Variants in ADD2 observed in about 807,000 individuals in gnomAD.
ADD2 encodes beta-adducin.
ADD2 carries 23 observed loss-of-function variants against 83.0 expected under a neutral mutation model. That is an observed-to-expected ratio of 0.28 (90% CI 0.20 to 0.39). The LOEUF (loss-of-function observed/expected upper bound fraction) is 0.39. Ranked by LOEUF, ADD2 falls within the 10% of genes least tolerant of loss-of-function variation. The probability of loss-of-function intolerance (pLI) is 1.00; values close to 1 mark genes in which losing one functional copy is unlikely to be tolerated. For missense variants in ADD2, 758 were observed against 944.9 expected (o/e 0.80, Z 2.59); for synonymous variants, 375 against 375.4 (o/e 1.00, Z 0.01).
intron 1 of ADD2, among the ~76,000 whole-genome samples, chr2:70,735,257 A>G (rs1436433702): frequency 6.6e-6 from 1 of 152,138 alleles, no homozygotes; most frequent in African/African-American, 2.4e-5. Context: ...AAACCCTGTG[A>G]ACACACAGGA....
chr2:70,741,224 TAGAA>T (rs1428247338), intron 1 of ADD2: 3 of 152,212 alleles, frequency 2.0e-5, no homozygotes. Flanking sequence ...CAGTAGCTTA[TAGAA>T]AGAAACAGCC....
At chr2:70,704,608 T>C (rs1469877043) in intron 3 of ADD2, 149 bp from the exon 4 acceptor site, 9 of 818,208 alleles carry the variant, frequency 1.1e-5, no homozygotes, top group Non-Finnish European at 1.7e-5. Flanking sequence ...ACTGAGCAGT[T>C]CCACTAGGAC....
rs551660624 is a variant in ADD2 at position 70,729,940 on chromosome 2, ACTTT to A, written c.-153-16760_-153-16757del. Among the ~76,000 whole-genome samples the A allele has an allele frequency of 1.9e-3, 285 of 152,288 alleles. 3 individuals carry two copies. Among genetic ancestry groups the A allele is most frequent in the South Asian group, 7.3e-3 (35 of 4,820 alleles). On this transcript the variant is annotated intron_variant, in intron 1 of 15. Transcript: ENST00000264436. ...ATGACCATTTCTAAAAGCATTTAAA[ACTTT>A]CTTTTAATATATGTAGCAAAATTCA...
At chr2:70,707,032 G>T (rs1270919783) in intron 2 of ADD2, among the ~76,000 whole-genome samples, 1 of 152,054 alleles carries the variant, frequency 6.6e-6, no homozygotes, top group African/African-American at 2.4e-5. Flanking sequence ...ATTCACAAAA[G>T]AATACTACTA....
At chr2:70,670,193 G>A (rs1363621454) in intron 15 of ADD2, among the ~76,000 whole-genome samples, 1 of 152,218 alleles carries the variant, frequency 6.6e-6, no homozygotes, top group Non-Finnish European at 1.5e-5. Flanking sequence ...ATCAAGTACT[G>A]TATTAGCTCT....
chr2:70,751,061 GA>G (rs1674481375), intron 1 of ADD2, among the ~76,000 whole-genome samples: 1 of 152,142 alleles, frequency 6.6e-6, no homozygotes, highest in African/African-American at 2.4e-5. Context: ...ATGCCCTAAA[GA>G]AAAACTTTTC....
chr2:70,685,892 T>C (rs782368418), intron 9 of ADD2, among the ~76,000 whole-genome samples: 1 of 152,234 alleles, frequency 6.6e-6, no homozygotes, highest in Non-Finnish European at 1.5e-5. Flanking sequence ...TCTTCCCATC[T>C]GCCTGTCGGC....
chr2:70,703,222 G>GAGAGAA (rs1406008726), intron 4 of ADD2, among the ~76,000 whole-genome samples: 1 of 151,988 alleles, frequency 6.6e-6, no homozygotes, highest in East Asian at 1.9e-4. Flanking sequence ...GAAAGAGAAA[G>GAGAGAA]AGAGAAAGAG....
rs558066490 is a variant in ADD2 at position 70,768,014 on chromosome 2, A to C, written c.-282T>G. ...ATCTGCAGGGCAGCGTTTTCTGCCC[A>C]TGCTGCAGCCCGCGCTCGTCAGAGC... On this transcript the variant is annotated 5_prime_UTR_variant, in exon 1 of 16. An upstream start codon of the reference 5' UTR is lost. Coordinates refer to ENST00000264436, the MANE Select transcript of ADD2 (RefSeq NM_001617.4). The C allele has an allele frequency of 3.3e-6, 5 of 1,511,892 alleles. No homozygotes were observed. The African/African-American group carries it at 6.9e-5, about 21-fold the overall frequency. 93.7% of individuals were successfully genotyped at this position (1,511,892 alleles called of 1,614,324 possible).
At chr2:70,673,108 A>G in intron 14 of ADD2, 102 bp from the exon 15 acceptor site, 2 of 1,538,254 alleles carry the variant, frequency 1.3e-6, no homozygotes, top group Middle Eastern at 1.7e-4. Context: ...TTGGTCATCA[A>G]TCCTCCTGGC....
chr2:70,664,672 C>T (rs1675685072), intron 15 of ADD2, among the ~76,000 whole-genome samples: 1 of 152,126 alleles, frequency 6.6e-6, no homozygotes, highest in Non-Finnish European at 1.5e-5. Flanking sequence ...CTTCTCACGA[C>T]GGGAACTGAA....
chr2:70,742,662 G>A (rs782221787), intron 1 of ADD2, among the ~76,000 whole-genome samples: 14 of 152,182 alleles, frequency 9.2e-5, no homozygotes, highest in South Asian at 6.2e-4. Flanking sequence ...GAGGAATGCC[G>A]CAAAGAAAAC....
chr2:70,712,447 AAAAATAAATAAAT>A (rs1384043850), intron 2 of ADD2, among the ~76,000 whole-genome samples: 1 of 137,606 alleles, frequency 7.3e-6, no homozygotes. Context: ...CTGTCTCAAA[AAAAATAAATAAAT>A]AAAAAAAAAA....
At chr2:70,756,896 T>TCGGCTCACTG (rs1178968158) in intron 1 of ADD2, among the ~76,000 whole-genome samples, 7 of 152,014 alleles carry the variant, frequency 4.6e-5, no homozygotes, top group African/African-American at 1.4e-4. Context: ...TGGTGTGATC[T>TCGGCTCACTG]CGGCTCACTG....
chr2:70,691,354 C>G (rs1671025828), intron 7 of ADD2, among the ~76,000 whole-genome samples: 1 of 152,102 alleles, frequency 6.6e-6, no homozygotes, highest in Admixed American at 6.5e-5. Flanking sequence ...AGACCCTCAG[C>G]TTTGGTTTCA....
chr2:70,677,908 T>G, intron 11 of ADD2, 31 bp from the exon 12 acceptor site: 1 of 1,613,464 alleles, frequency 6.2e-7, no homozygotes. Flanking sequence ...GGGGCTGAGG[T>G]GAGGGAACAG....
intron 15 of ADD2, among the ~76,000 whole-genome samples, chr2:70,665,608 C>T (rs1675754574): frequency 6.6e-6 from 1 of 152,158 alleles, no homozygotes; most frequent in Admixed American, 6.5e-5. Context: ...ACTGTCATCC[C>T]AGCCCATTCC....
intron 1 of ADD2, among the ~76,000 whole-genome samples, chr2:70,713,887 T>C (rs782776942): frequency 1.3e-5 from 2 of 151,968 alleles, no homozygotes; most frequent in East Asian, 2.0e-4. Flanking sequence ...TGAGTGATGT[T>C]TGGATGCAGC....
At position 70,690,946 on chromosome 2, in the gene ADD2, C is replaced by T. The variant is rs782584407; in HGVS notation, c.706-17G>A. 8.7e-6 allele frequency: 14 copies of T among 1,604,558 alleles called. No individual in the cohort carries two copies. Among genetic ancestry groups the T allele is most frequent in the Non-Finnish European group, 1.2e-5 (14 of 1,175,716 alleles). ...GGCCGACACCTTAGAGAGACAATGG[C>T]ATGGTTAGCACCTGCAGCCCTCCCT... is the stretch of plus-strand genomic sequence containing the variant. On this transcript the variant is annotated splice_polypyrimidine_tract_variant and intron_variant, in intron 7 of 15. Coordinates refer to ENST00000264436, the MANE Select transcript of ADD2 (RefSeq NM_001617.4).
Sources: gnomAD v4.1 joint callset for allele counts (sites outside exome capture counted in the v4.1 genomes callset) on GRCh38, gnomAD v4.1.1 for gene constraint, MANE v1.5 for transcripts, NCBI Gene and HGNC (gene_info 2026-07-23, HGNC 2026-07-21) for gene names.